The following TCF4 variants were observed in gnomAD, a reference collection of about 807,000 sequenced individuals.
TCF4 encodes the protein transcription factor 4.
TCF4 carries 3 observed loss-of-function variants against 82.1 expected under a neutral mutation model. The observed-to-expected ratio is 0.04, with a 90% CI of 0.02 to 0.09. The LOEUF is 0.09. Ranked by LOEUF, TCF4 falls within the 10% of genes least tolerant of loss-of-function variation. TCF4 has a pLI of 1.00. For missense variants in TCF4, 518 were observed against 852.7 expected, an observed-to-expected ratio of 0.61 and a Z score of 4.89; for synonymous variants, 276 against 309.6, an observed-to-expected ratio of 0.89 and a Z score of 1.14.
chr18:55,276,848 AT>A (rs1264267247), intron 9 of TCF4, among the ~76,000 whole-genome samples: 1 of 152,178 alleles, frequency 6.6e-6, no homozygotes, highest in Non-Finnish European at 1.5e-5. Context: ...CTGACACTGT[AT>A]TTCGTGAAGC....
intron 2 of TCF4, among the ~76,000 whole-genome samples, chr18:55,604,217 C>A (rs2097700096): frequency 6.7e-6 from 1 of 149,236 alleles, no homozygotes; most frequent in Admixed American, 7.0e-5. Context: ...GCCACTTCAT[C>A]AGTTTTTTGT....
At chr18:55,555,746 T>A (rs1374882329) in intron 3 of TCF4, among the ~76,000 whole-genome samples, 1 of 152,228 alleles carries the variant, frequency 6.6e-6, no homozygotes. Flanking sequence ...TTATATCAAA[T>A]GTCTTTTAGT....
intron 8 of TCF4, among the ~76,000 whole-genome samples, chr18:55,307,430 T>A (rs2070741918): frequency 6.6e-6 from 1 of 152,240 alleles, no homozygotes; most frequent in Non-Finnish European, 1.5e-5. Flanking sequence ...GTTGTATCAC[T>A]GAAAGCCATA....
At chr18:55,607,993 AT>A (rs1245091659) in intron 2 of TCF4, among the ~76,000 whole-genome samples, 1 of 152,198 alleles carries the variant, frequency 6.6e-6, no homozygotes, top group African/African-American at 2.4e-5. Context: ...TGCCCTGCTA[AT>A]GCTGATAAAA....
intron 8 of TCF4, among the ~76,000 whole-genome samples, chr18:55,298,460 G>T (rs543472064): frequency 6.6e-6 from 1 of 152,092 alleles, no homozygotes; most frequent in African/African-American, 2.4e-5. Context: ...ATATACTACG[G>T]TTTTTTTGCT....
At chr18:55,322,425 G>GAAAA (rs967879627) in intron 8 of TCF4, 6,750 of 757,014 alleles carry the variant, frequency 8.9e-3, no homozygotes, top group Middle Eastern at 0.014. Context: ...GGGGAGGGAA[G>GAAAA]AAAAAAAAAA....
chr18:55,460,451 T>C (rs1385100533), intron 5 of TCF4, among the ~76,000 whole-genome samples: 1 of 152,144 alleles, frequency 6.6e-6, no homozygotes, highest in Non-Finnish European at 1.5e-5. Flanking sequence ...AACTAACAGG[T>C]AACTTGCTTT....
At chr18:55,549,161 C>T (rs915166751) in intron 3 of TCF4, among the ~76,000 whole-genome samples, 15 of 151,990 alleles carry the variant, frequency 9.9e-5, no homozygotes, top group Non-Finnish European at 2.1e-4. Context: ...ATTAGCTGCA[C>T]GTGATGGCAC....
At chr18:55,541,646 A>G (rs1040639967) in intron 3 of TCF4, among the ~76,000 whole-genome samples, 2 of 152,018 alleles carry the variant, frequency 1.3e-5, no homozygotes, top group African/African-American at 4.8e-5. Flanking sequence ...CAAGAAAGAC[A>G]ATCTTATCTA....
At chr18:55,579,173 T>C (rs2097554501) in intron 3 of TCF4, among the ~76,000 whole-genome samples, 1 of 151,486 alleles carries the variant, frequency 6.6e-6, no homozygotes, top group Non-Finnish European at 1.5e-5. Flanking sequence ...ATCTCTCTCC[T>C]AAGTATTAAG....
chr18:55,231,579 A>C (rs934133247), intron 17 of TCF4: 6 of 152,254 alleles, frequency 3.9e-5, no homozygotes, highest in Non-Finnish European at 7.3e-5. Flanking sequence ...CTAACACAGA[A>C]GCTGCTAAAG....
At chr18:55,321,705 CGCCCAT>C in intron 8 of TCF4, 4 of 1,536,102 alleles carry the variant, frequency 2.6e-6, no homozygotes, top group Non-Finnish European at 3.5e-6. Flanking sequence ...AAAGAGTTGC[CGCCCAT>C]GCCCGGGATT....
intron 6 of TCF4, among the ~76,000 whole-genome samples, chr18:55,380,830 G>T (rs949990393): frequency 7.2e-5 from 11 of 152,174 alleles, no homozygotes; most frequent in Non-Finnish European, 1.5e-4. Flanking sequence ...ACCACAGATT[G>T]TGAGTCAGTT....
intron 5 of TCF4, among the ~76,000 whole-genome samples, chr18:55,442,262 C>A (rs910963845): frequency 6.6e-6 from 1 of 152,220 alleles, no homozygotes; most frequent in Non-Finnish European, 1.5e-5. Flanking sequence ...TCCAATTTAA[C>A]CATCCAGATT....
At chr18:55,469,153 T>A (rs943560019) in intron 3 of TCF4, among the ~76,000 whole-genome samples, 2 of 152,206 alleles carry the variant, frequency 1.3e-5, no homozygotes, top group African/African-American at 4.8e-5. Flanking sequence ...TCATTCTGCA[T>A]GAGTCCCCTC....
chr18:55,588,190 C>G lies in TCF4; in HGVS notation c.-173G>C. On this transcript the variant is annotated 5_prime_UTR_variant, in exon 1 of 20. Transcript: ENST00000354452. The stretch of plus-strand genomic sequence containing the variant: ...GCCGCCGCCGCCGCCACTACAGATC[C>G]GCAGACACACAGCCAAGATCCCTGA... 8.3e-7 allele frequency: 1 copy of G among 1,199,442 alleles called. No homozygotes were observed. Among genetic ancestry groups the G allele is most frequent in the Non-Finnish European group, 1.0e-6 (1 of 969,148 alleles). 74.3% of individuals were successfully genotyped at this position (1,199,442 alleles called of 1,614,324 possible).
intron 2 of TCF4, among the ~76,000 whole-genome samples, chr18:55,596,829 TAA>T (rs35096415): frequency 2.7e-5 from 4 of 149,092 alleles, no homozygotes; most frequent in Non-Finnish European, 6.0e-5. Flanking sequence ...TAGGTTATCA[TAA>T]AAAAAAAAGT....
At chr18:55,314,849 C>CA (rs778895588) in intron 8 of TCF4, among the ~76,000 whole-genome samples, 4 of 151,956 alleles carry the variant, frequency 2.6e-5, no homozygotes, top group Non-Finnish European at 5.9e-5. Flanking sequence ...GAGTTTTTCC[C>CA]AACATAGCAA....
chr18:55,512,099 A>T (rs949277959), intron 3 of TCF4, among the ~76,000 whole-genome samples: 2 of 152,154 alleles, frequency 1.3e-5, no homozygotes, highest in Admixed American at 1.3e-4. Flanking sequence ...CGTTAATAAG[A>T]TAAAAATAAT....
Sources: gnomAD v4.1 joint callset for allele counts (sites outside exome capture counted in the v4.1 genomes callset) on GRCh38, gnomAD v4.1.1 for gene constraint, MANE v1.5 for transcripts, NCBI Gene and HGNC (gene_info 2026-07-23, HGNC 2026-07-21) for gene names.